CAPRIN1: variants seen among roughly 807,000 people sequenced by gnomAD.
The protein encoded by CAPRIN1 is caprin-1.
CAPRIN1 carries 29 observed loss-of-function variants against 100.9 expected under a neutral mutation model. The observed-to-expected ratio is 0.29, with a 90% CI of 0.21 to 0.39. The LOEUF is 0.39. CAPRIN1 is among the 10% of genes least tolerant of loss of function. CAPRIN1 has a pLI of 1.00. For synonymous variants in CAPRIN1, 338 were observed against 307.5 expected (o/e 1.10, Z -1.04); for missense variants, 795 against 876.7 (o/e 0.91, Z 1.18).
chr11:34,094,142 C>T (rs1851319889), intron 15 of CAPRIN1, among the ~76,000 whole-genome samples: 1 of 152,096 alleles, frequency 6.6e-6, no homozygotes, highest in Admixed American at 6.6e-5. Flanking sequence ...TGCTTGAGGC[C>T]AGGCGTTCAT....
At chr11:34,093,337 GCAGGCTTTTCTCAAACT>G (rs1233790876) in intron 15 of CAPRIN1, among the ~76,000 whole-genome samples, 3 of 151,896 alleles carry the variant, frequency 2.0e-5, no homozygotes, top group African/African-American at 7.3e-5. Flanking sequence ...AGCTTGGACT[GCAGGCTTTTCTCAAACT>G]CAGGGCCTCC....
chr11:34,101,460 A>C lies in CAPRIN1; in HGVS notation c.*2093A>C, dbSNP rs192159279. Among the ~76,000 whole-genome samples the C allele has an allele frequency of 1.5e-3, 226 of 152,352 alleles. 2 individuals carry two copies. Among genetic ancestry groups the C allele is most frequent in the African/African-American group, 5.3e-3 (219 of 41,588 alleles). The stretch of plus-strand genomic sequence containing the variant: ...TTCTTCACACAGTGACCTCTGAATC[A>C]GTTTCAGAGAAGGGATGGGGGAGAA... On this transcript the variant is annotated 3_prime_UTR_variant, in exon 19 of 19. Transcript: ENST00000341394.
chr11:34,074,737 G>T (rs1850873512), intron 4 of CAPRIN1, among the ~76,000 whole-genome samples: 1 of 152,196 alleles, frequency 6.6e-6, no homozygotes, highest in Admixed American at 6.5e-5. Context: ...ACAAAAATTA[G>T]CCGGGCTTGG....
rs1590714121 is a variant in CAPRIN1, at chr11:34,052,765, T to C, written c.216+129T>C. On this transcript the variant is annotated intron_variant, in intron 2 of 18. Transcript: ENST00000341394. ...TACTAGGTCCCCTCCTCCCACCCCC[T>C]GGCCCACACGCCCCGTCTCCACGTT... is the stretch of plus-strand genomic sequence containing the variant. 9 of 1,160,838 alleles carry C rather than the reference T, an allele frequency of 7.8e-6. No individual in the cohort carries two copies. In the East Asian group the frequency reaches 2.4e-4, roughly 31 times the overall value. The allele number at this position is 1,160,838 out of a possible 1,614,324, so 71.9% of individuals were successfully genotyped here. A position where few individuals can be genotyped will look rare whatever the true frequency, so the allele number is the denominator to read the frequency against.
At chr11:34,084,315 T>C (rs1054123475) in intron 9 of CAPRIN1, among the ~76,000 whole-genome samples, 4 of 152,120 alleles carry the variant, frequency 2.6e-5, no homozygotes, top group Non-Finnish European at 4.4e-5. Context: ...AATGTCCCAT[T>C]GGTAAGGTAA....
chr11:34,064,892 T>A (rs968411607), intron 2 of CAPRIN1, among the ~76,000 whole-genome samples: 1 of 152,070 alleles, frequency 6.6e-6, no homozygotes, highest in African/African-American at 2.4e-5. Flanking sequence ...CTGGGTTGTT[T>A]AAAGTTTCAA....
intron 2 of CAPRIN1, 152 bp from the exon 3 acceptor site, chr11:34,071,574 A>T (rs60037622): frequency 0.083 from 49,003 of 587,338 alleles, 2,454 homozygotes; most frequent in African/African-American, 0.15. Flanking sequence ...AAAAAAAAAA[A>T]ATTTATGTAC....
At chr11:34,059,233 T>C (rs749138821) in intron 2 of CAPRIN1, among the ~76,000 whole-genome samples, 1 of 151,800 alleles carries the variant, frequency 6.6e-6, no homozygotes, top group Non-Finnish European at 1.5e-5. Context: ...TCCTTTAACT[T>C]CCCCTGTTAC....
At chr11:34,074,728 C>A (rs550851470) in intron 4 of CAPRIN1, among the ~76,000 whole-genome samples, 1 of 152,198 alleles carries the variant, frequency 6.6e-6, no homozygotes, top group Non-Finnish European at 1.5e-5. Flanking sequence ...GCTAAAAATA[C>A]AAAAATTAGC....
chr11:34,074,972 G>T (rs1279656668), intron 4 of CAPRIN1, among the ~76,000 whole-genome samples: 2 of 152,140 alleles, frequency 1.3e-5, no homozygotes, highest in Non-Finnish European at 2.9e-5. Context: ...TTGAGGCCAG[G>T]AGTTCAAGAC....
chr11:34,091,990 C>A lies in CAPRIN1; in HGVS notation c.1639C>A (p.Gln547Lys). 2 of 1,614,062 alleles carry A rather than the reference C, an allele frequency of 1.2e-6. No individual in the cohort carries two copies. The highest frequency in any genetic ancestry group is 1.7e-6 in the Non-Finnish European group (2 of 1,179,978). Residue 547 changes from glutamine to lysine, a missense_variant, in exon 15 of 19, where the codon CAG becomes AAG. Physicochemically the swap from Gln to Lys is moderately conservative, Grantham distance 53 (BLOSUM62 1). This residue lies in a region of CAPRIN1 where 648 missense variants were observed against 697.9 expected (regional missense o/e 0.93). Coordinates refer to ENST00000341394, the MANE Select transcript of CAPRIN1 (RefSeq NM_005898.5). ...QQNQYQASYNQSFSSQPHQVE... is the reference protein window; with the variant it reads ...QQNQYQASYNKSFSSQPHQVE... ...AAATCAGTACCAGGCCAGTTATAACCAGAGCTTTTCTAGTCAGCCTCACCA... is the reference window on the plus strand; with the variant it reads ...AAATCAGTACCAGGCCAGTTATAACAAGAGCTTTTCTAGTCAGCCTCACCA...
chr11:34,074,672 C>T (rs1850872603), intron 4 of CAPRIN1, among the ~76,000 whole-genome samples: 1 of 152,208 alleles, frequency 6.6e-6, no homozygotes, highest in Admixed American at 6.5e-5. Flanking sequence ...CACCTGAGGT[C>T]AGAAGTTCGA....
intron 6 of CAPRIN1, among the ~76,000 whole-genome samples, chr11:34,079,381 C>T (rs1426145561): frequency 6.6e-6 from 1 of 152,146 alleles, no homozygotes; most frequent in Non-Finnish European, 1.5e-5. Flanking sequence ...GCCTGGGTTT[C>T]AGAGCAAGAC....
At chr11:34,095,664 C>T (rs1303927244) in intron 15 of CAPRIN1, among the ~76,000 whole-genome samples, 1 of 152,190 alleles carries the variant, frequency 6.6e-6, no homozygotes, top group South Asian at 2.1e-4. Flanking sequence ...TGTTCTGTTG[C>T]CTTCCTCACC....
chr11:34,080,405 GGTT>G (rs1851004310), intron 7 of CAPRIN1, among the ~76,000 whole-genome samples: 3 of 152,136 alleles, frequency 2.0e-5, no homozygotes, highest in Admixed American at 6.6e-5. Flanking sequence ...TTTTCAAATA[GGTT>G]TCTGTCTGAC....
intron 2 of CAPRIN1, among the ~76,000 whole-genome samples, chr11:34,057,311 A>T (rs143910791): frequency 6.6e-6 from 1 of 152,146 alleles, no homozygotes; most frequent in African/African-American, 2.4e-5. Flanking sequence ...GTGTGTTTGT[A>T]TGTGTAGCAC....
chr11:34,059,051 T>A (rs531999487), intron 2 of CAPRIN1, among the ~76,000 whole-genome samples: 1 of 152,318 alleles, frequency 6.6e-6, no homozygotes, highest in East Asian at 1.9e-4. Flanking sequence ...TGCTTTGTTT[T>A]AGCTCATTTA....
chr11:34,088,309 T>G (rs1177156164), intron 11 of CAPRIN1, among the ~76,000 whole-genome samples: 1 of 152,138 alleles, frequency 6.6e-6, no homozygotes, highest in Non-Finnish European at 1.5e-5. Flanking sequence ...GGCCGAAAAG[T>G]ACATATTTTA....
In CAPRIN1 at chr11:34,083,048, G is replaced by A. The variant is rs925854900; in HGVS notation, c.966+7G>A. The A allele has an allele frequency of 1.9e-6, 3 of 1,599,934 alleles. No individual in the cohort carries two copies. Among genetic ancestry groups the A allele is most frequent in the Middle Eastern group, 3.3e-4 (2 of 6,056 alleles). ...GACAGTTGAAACGGTTGAGGTAAGAGTTCTCTGTATTGCAAAGTTGTTGTC... is the reference window on the plus strand; with the variant it reads ...GACAGTTGAAACGGTTGAGGTAAGAATTCTCTGTATTGCAAAGTTGTTGTC... On this transcript the variant is annotated splice_region_variant and intron_variant, in intron 9 of 18. Coordinates refer to ENST00000341394, the MANE Select transcript of CAPRIN1 (RefSeq NM_005898.5).
Sources: gnomAD v4.1 joint callset for allele counts (sites outside exome capture counted in the v4.1 genomes callset) on GRCh38, gnomAD v4.1.1 for gene constraint, gnomAD v4.1.1 regional missense constraint, MANE v1.5 for transcripts, NCBI Gene and HGNC (gene_info 2026-07-23, HGNC 2026-07-21) for gene names.